The following TMEM164 variants were observed in gnomAD, a reference collection of about 807,000 sequenced individuals.
TMEM164 encodes transmembrane protein 164.
A neutral mutation model predicts 18.8 loss-of-function variants in TMEM164; 4 were observed. The observed-to-expected ratio is 0.21, with a 90% CI of 0.10 to 0.49. The LOEUF (loss-of-function observed/expected upper bound fraction) is 0.49, where lower values mean the gene tolerates loss of function less well. Among genes scored for constraint, TMEM164 ranks in the 20% least tolerant of loss-of-function variants. The pLI is 0.98. For missense variants in TMEM164, 108 were observed against 239.9 expected, an observed-to-expected ratio of 0.45 and a Z score of 3.63; for synonymous variants, 86 against 101.7, an observed-to-expected ratio of 0.85 and a Z score of 0.93.
chrX:110,124,482 C>A (rs184500410), intron 4 of TMEM164, among the ~76,000 whole-genome samples: 1 of 110,707 alleles, frequency 9.0e-6, no homozygotes, highest in Non-Finnish European at 1.9e-5. Context: ...GACTTTAGGG[C>A]AAACTGAGGG....
At chrX:110,097,125 C>T (rs1020929693) in intron 3 of TMEM164, among the ~76,000 whole-genome samples, 8 of 111,660 alleles carry the variant, frequency 7.2e-5, no homozygotes, top group Non-Finnish European at 1.1e-4. Flanking sequence ...ACGCATGCCA[C>T]CATGACCAGC....
chrX:110,164,835 G>A (rs1361151590), intron 5 of TMEM164, among the ~76,000 whole-genome samples: 1 of 111,775 alleles, frequency 8.9e-6, no homozygotes, highest in African/African-American at 3.3e-5. Flanking sequence ...CTACCTACAT[G>A]GGCCAAAGGA....
intron 3 of TMEM164, among the ~76,000 whole-genome samples, chrX:110,073,952 A>AGG: frequency 9.0e-6 from 1 of 110,938 alleles, no homozygotes; most frequent in East Asian, 2.8e-4. Context: ...ATCTCGGCTC[A>AGG]CTGTAAACTC....
chrX:110,109,989 TTTAA>T (rs756530016), intron 4 of TMEM164, among the ~76,000 whole-genome samples: 53 of 112,766 alleles, frequency 4.7e-4, no homozygotes, highest in African/African-American at 1.6e-3. Flanking sequence ...AGTTTAAATC[TTTAA>T]TTGATAATCA....
At chrX:110,017,205 G>A (rs185700813) in intron 2 of TMEM164, among the ~76,000 whole-genome samples, 86 of 112,212 alleles carry the variant, frequency 7.7e-4, no homozygotes, top group Non-Finnish European at 7.9e-4. Context: ...TAGAAGCAGA[G>A]CTGAGTCTCC....
At chrX:110,107,192 C>T (rs1462009681) in intron 3 of TMEM164, among the ~76,000 whole-genome samples, 2 of 111,797 alleles carry the variant, frequency 1.8e-5, no homozygotes, top group East Asian at 2.8e-4. Context: ...GAGGAAGGGA[C>T]CAGGGAATTT....
At chrX:110,180,497 C>G (rs73636953), downstream of TMEM164, among the ~76,000 whole-genome samples, 6,744 of 108,275 alleles carry the variant, frequency 0.062, 620 homozygotes, top group African/African-American at 0.23. Context: ...CCCCCCGCCC[C>G]GCCCACAGTC....
At chrX:110,077,475 A>G (rs1355011267) in intron 3 of TMEM164, among the ~76,000 whole-genome samples, 1 of 111,516 alleles carries the variant, frequency 9.0e-6, no homozygotes, top group African/African-American at 3.3e-5. Flanking sequence ...ATATTGATAT[A>G]TGAGGTTTTG....
At chrX:110,091,649 T>G (rs1012647450) in intron 3 of TMEM164, among the ~76,000 whole-genome samples, 2 of 112,295 alleles carry the variant, frequency 1.8e-5, no homozygotes, top group Non-Finnish European at 3.8e-5. Flanking sequence ...TTTCTCCCAT[T>G]GTGTAGGTTG....
At position 110,056,173 on chromosome X, in the gene TMEM164, C is replaced by G. The variant is rs996112041; in HGVS notation, c.391-11174C>G. The stretch of plus-strand genomic sequence containing the variant: ...AACTCCATACGATTTAGCTCACCCC[C>G]CTCCCTACCTTTCCCCCACTCACCA... On this transcript the variant is annotated intron_variant, in intron 2 of 6. Coordinates refer to ENST00000372068, the MANE Select transcript of TMEM164 (RefSeq NM_032227.4). Among the ~76,000 whole-genome samples the G allele has an allele frequency of 9.1e-5, 10 of 109,493 alleles. No homozygotes were observed. In the Admixed American group the frequency reaches 9.8e-4, roughly 11 times the overall value.
rs775969781 is a variant in TMEM164 at position 110,124,444 on chromosome X, G to A, written c.507+15298G>A. ...GCCAACCTCCCCTTAGGTCCCACACGCCTAGGACCTTGAGTGGAGTGAACT... is the reference window on the plus strand; with the variant it reads ...GCCAACCTCCCCTTAGGTCCCACACACCTAGGACCTTGAGTGGAGTGAACT... On this transcript the variant is annotated intron_variant, in intron 4 of 6. Transcript: ENST00000372068. Among the ~76,000 whole-genome samples, 3 of 111,207 alleles carry A rather than the reference G, an allele frequency of 2.7e-5. No homozygotes were observed. The East Asian group carries it at 8.5e-4, about 31-fold the overall frequency.
intron 4 of TMEM164, among the ~76,000 whole-genome samples, chrX:110,116,018 A>G (rs2066358055): frequency 8.9e-6 from 1 of 111,783 alleles, no homozygotes; most frequent in African/African-American, 3.3e-5. Flanking sequence ...GCTTGAGCCC[A>G]GGAGGTCGAG....
chrX:110,109,167 A>G (rs374393963), intron 4 of TMEM164, 21 bp downstream of exon 4: 35 of 1,177,735 alleles, frequency 3.0e-5, no homozygotes, highest in Non-Finnish European at 3.8e-5. Context: ...TCTTCTAGGA[A>G]TGTAACAGCA....
At chrX:110,002,402 G>T (rs1342368103), upstream of TMEM164, among the ~76,000 whole-genome samples, 2 of 110,563 alleles carry the variant, frequency 1.8e-5, no homozygotes, top group African/African-American at 6.6e-5. Context: ...GCCGGAGGAG[G>T]GAGGAGGAGG....
rs2067295982 is a variant in TMEM164, at chrX:110,176,880, C to T, written c.*3429C>T. ...GAGGTAGGGGAGGAGGAAAAAAGGA[C>T]CATGTGTGATGCTGTTAGACAAGAC... On this transcript the variant is annotated 3_prime_UTR_variant, in exon 7 of 7. Coordinates refer to ENST00000372068, the MANE Select transcript of TMEM164 (RefSeq NM_032227.4). The T allele has an allele frequency of 1.8e-5, 2 of 112,508 alleles. No homozygotes were observed. The allele number at this position is 112,508 out of a possible 1,213,427, so 9.3% of individuals were successfully genotyped here.
At chrX:110,148,367 TCCTC>T (rs1159690022) in intron 5 of TMEM164, among the ~76,000 whole-genome samples, 2 of 111,539 alleles carry the variant, frequency 1.8e-5, no homozygotes, top group African/African-American at 3.3e-5. Context: ...ATCCCTATCT[TCCTC>T]CTTCTCATCC....
At chrX:110,143,267 G>A (rs1235557088) in intron 4 of TMEM164, among the ~76,000 whole-genome samples, 1 of 112,141 alleles carries the variant, frequency 8.9e-6, no homozygotes, top group Admixed American at 9.4e-5. Context: ...AGTAGATTGT[G>A]GATGTGAAAT....
chrX:110,008,477 G>A (rs1932864294), intron 2 of TMEM164, among the ~76,000 whole-genome samples: 1 of 111,625 alleles, frequency 9.0e-6, no homozygotes, highest in African/African-American at 3.3e-5. Flanking sequence ...GATGGACTGC[G>A]TCCTGTGTCA....
chrX:110,093,280 G>T (rs55634509), intron 3 of TMEM164, among the ~76,000 whole-genome samples: 1 of 111,673 alleles, frequency 9.0e-6, no homozygotes, highest in Non-Finnish European at 1.9e-5. Context: ...GCCCCTCTTT[G>T]TACCTCTGGT....
Sources: allele counts gnomAD v4.1 joint callset (sites outside exome capture counted in the v4.1 genomes callset), GRCh38; gene constraint gnomAD v4.1.1; transcripts MANE v1.5; gene names NCBI Gene and HGNC (gene_info 2026-07-23, HGNC 2026-07-21).